The following IGFN1 variants were observed in gnomAD, a reference collection of about 807,000 sequenced individuals.
IGFN1 encodes immunoglobulin-like and fibronectin type III domain-containing protein 1.
In IGFN1, 253 loss-of-function variants were observed where a neutral mutation model predicts 289.5. The ratio of observed to expected loss-of-function variants is 0.87; its 90% CI spans 0.79 to 0.97. The LOEUF (loss-of-function observed/expected upper bound fraction) is 0.97. Ranked by LOEUF, IGFN1 falls within the 50% of genes least tolerant of loss-of-function variation. The pLI, the probability that IGFN1 is intolerant of heterozygous loss-of-function variation, is 0.00. For synonymous variants in IGFN1, 1,706 were observed against 1,788.5 expected (o/e 0.95, Z 1.16); for missense variants, 4,470 against 4,686.1 (o/e 0.95, Z 1.35).
At chr1:201,194,821 A>C (rs778601039) in intron 3 of IGFN1, among the ~76,000 whole-genome samples, 2 of 152,238 alleles carry the variant, frequency 1.3e-5, no homozygotes, top group Non-Finnish European at 2.9e-5. Flanking sequence ...CCCTGCAATA[A>C]ATTTTAGTTC....
intron 8 of IGFN1, 78 bp downstream of exon 8, chr1:201,200,489 G>A: frequency 8.3e-7 from 1 of 1,204,954 alleles, no homozygotes; most frequent in Non-Finnish European, 1.2e-6. Flanking sequence ...ACCTGGAGGT[G>A]GGCTTGGAGG....
At chr1:201,218,029 C>T (rs1399000677) in intron 17 of IGFN1, among the ~76,000 whole-genome samples, 1 of 152,204 alleles carries the variant, frequency 6.6e-6, no homozygotes, top group Non-Finnish European at 1.5e-5. Flanking sequence ...CTTGTGATAA[C>T]CCTTAGCATT....
intron 9 of IGFN1, among the ~76,000 whole-genome samples, chr1:201,202,743 CCCTCCCTCCCTTCCTT>C (rs1262918862): frequency 9.3e-6 from 1 of 107,294 alleles, no homozygotes; most frequent in Non-Finnish European, 1.9e-5. Context: ...CTCCCTCCCT[CCCTCCCTCCCTTCCTT>C]CCTTCCTTCC....
Position 201,212,157 on chromosome 1 carries a change from G to T in IGFN1, c.7264G>T (p.Val2422Leu), listed in dbSNP as rs1489454212. Residue 2422 changes from valine (V) to leucine (L), a missense_variant, in exon 12 of 24, where the codon GTG becomes TTG. Transcript: ENST00000335211. The stretch of plus-strand genomic sequence containing the variant: ...GCTTGTGGATGGGGCAGGACCTGGG[G>T]TGGAACCTGGGATGGCTGGAATGCC... ...TRLVDGAGPG[V>L]EPGMAGMPGT... is the part of the protein sequence containing the mutation. The T allele has an allele frequency of 6.5e-6, 10 of 1,536,140 alleles. No homozygotes were observed. The African/African-American group carries it at 1.4e-4, about 21-fold the overall frequency.
intron 9 of IGFN1, among the ~76,000 whole-genome samples, chr1:201,202,764 C>G (rs1242093135): frequency 8.8e-6 from 1 of 113,866 alleles, no homozygotes; most frequent in African/African-American, 3.4e-5. Flanking sequence ...TTCCTTCCTT[C>G]CTTCCTTCCT....
chr1:201,224,934 G>A (rs1653982520), intron 21 of IGFN1, 60 bp downstream of exon 21: 1 of 1,283,304 alleles, frequency 7.8e-7, no homozygotes, highest in South Asian at 1.4e-5. Flanking sequence ...AAGGCAAAGA[G>A]GTGTCCACTG....
In IGFN1 at chr1:201,208,891, G is replaced by T. The variant is rs1667568033; in HGVS notation, c.3998G>T (p.Gly1333Val). 1 of 1,536,636 alleles carries T rather than the reference G, an allele frequency of 6.5e-7. No individual in the cohort carries two copies. Among genetic ancestry groups the T allele is most frequent in the African/African-American group, 1.4e-5 (1 of 72,894 alleles). ...GYRKDLGAPEGISSGSKADYR... is the reference protein window; with the variant it reads ...GYRKDLGAPEVISSGSKADYR... Reference sequence around the variant, plus strand: ...AGGAAAGATTTAGGGGCTCCTGAGGGAATAAGTTCAGGGAGCAAGGCAGAT... The same window carrying T: ...AGGAAAGATTTAGGGGCTCCTGAGGTAATAAGTTCAGGGAGCAAGGCAGAT... The change falls in exon 12 of 24, where the codon GGA becomes GTA. Residue 1333 changes from glycine (G) to valine (V), a missense_variant. Physicochemically the swap from Gly to Val is moderately radical, Grantham distance 109. Coordinates refer to ENST00000335211, the MANE Select transcript of IGFN1 (RefSeq NM_001164586.2).
At chr1:201,224,203 T>C (rs1653933757) in intron 20 of IGFN1, among the ~76,000 whole-genome samples, 1 of 152,160 alleles carries the variant, frequency 6.6e-6, no homozygotes, top group African/African-American at 2.4e-5. Flanking sequence ...CACCGCAATC[T>C]TCCTCCTAGA....
At chr1:201,222,635 C>T (rs1372402702) in intron 19 of IGFN1, 104 bp from the exon 20 acceptor site, 10 of 685,524 alleles carry the variant, frequency 1.5e-5, no homozygotes, top group Non-Finnish European at 2.1e-5. Flanking sequence ...AGCATCAATC[C>T]GACTGGCCCA....
At chr1:201,227,319 A>G (rs924018260) in intron 23 of IGFN1, 111 bp downstream of exon 23, 3 of 751,420 alleles carry the variant, frequency 4.0e-6, no homozygotes, top group Non-Finnish European at 6.4e-6. Flanking sequence ...GGGAGTCAGG[A>G]GACCAGGACT....
intron 2 of IGFN1, 85 bp from the exon 3 acceptor site, chr1:201,194,069 A>G: frequency 3.4e-6 from 5 of 1,476,872 alleles, no homozygotes; most frequent in Non-Finnish European, 4.6e-6. Context: ...TCCTGGGGTG[A>G]GTGGGTGGAT....
At position 201,207,171 on chromosome 1, in the gene IGFN1, T is replaced by C. The variant is rs914697662; in HGVS notation, c.2278T>C (p.Cys760Arg). ...CTCACTGCAGGAGGCAGATGGTATATGCCGGGGGGAGTCTGTAGTTACAGG... is the reference window on the plus strand; with the variant it reads ...CTCACTGCAGGAGGCAGATGGTATACGCCGGGGGGAGTCTGTAGTTACAGG... ...EDSLQEADGICRGESVVTGSA... is the reference protein window; with the variant it reads ...EDSLQEADGIRRGESVVTGSA... Residue 760 changes from cysteine (C) to arginine (R), a missense_variant, in exon 12 of 24, where the codon TGC (cysteine) becomes CGC (arginine). Coordinates refer to ENST00000335211, the MANE Select transcript of IGFN1 (RefSeq NM_001164586.2). The C allele has an allele frequency of 6.5e-6, 10 of 1,536,910 alleles. No individual in the cohort carries two copies. The highest frequency in any genetic ancestry group is 7.0e-6 in the Non-Finnish European group (8 of 1,146,842).
intron 12 of IGFN1, 89 bp from the exon 13 acceptor site, chr1:201,214,088 G>C: frequency 7.3e-7 from 1 of 1,362,992 alleles, no homozygotes; most frequent in Non-Finnish European, 9.8e-7. Flanking sequence ...GCCAAGCCCA[G>C]TTGGCAGGAC....
At chr1:201,197,409 G>A (rs1056854425) in intron 5 of IGFN1, 92 bp downstream of exon 5, 10 of 732,598 alleles carry the variant, frequency 1.4e-5, no homozygotes, top group Admixed American at 8.4e-5. Context: ...GAGGGGAGGG[G>A]AGGGAAGGGA....
chr1:201,211,170 G>C lies in IGFN1; in HGVS notation c.6277G>C (p.Gly2093Arg). The C allele has an allele frequency of 6.5e-7, 1 of 1,530,854 alleles. No individual in the cohort carries two copies. Among genetic ancestry groups the C allele is most frequent in the African/African-American group, 1.4e-5 (1 of 72,450 alleles). 94.8% of individuals were successfully genotyped at this position (1,530,854 alleles called of 1,614,324 possible). A position where few individuals can be genotyped will look rare whatever the true frequency, so the allele number is the denominator to read the frequency against. The change falls in exon 12 of 24, where the codon GGG becomes CGG. Residue 2093 changes from glycine (G) to arginine (R), a missense_variant. Coordinates refer to ENST00000335211, the MANE Select transcript of IGFN1 (RefSeq NM_001164586.2). ...GSKTGFRDGLGGSEEMESMDE... is the reference protein window; with the variant it reads ...GSKTGFRDGLRGSEEMESMDE... Reference sequence around the variant, plus strand: ...TAAGACAGGTTTCAGGGATGGTTTAGGGGGTTCTGAAGAAATGGAGTCAAT... The same window carrying C: ...TAAGACAGGTTTCAGGGATGGTTTACGGGGTTCTGAAGAAATGGAGTCAAT...
chr1:201,212,600 G>A lies in IGFN1; in HGVS notation c.7707G>A (p.Gln2569=), dbSNP rs371933388. The A allele has an allele frequency of 1.1e-5, 17 of 1,544,910 alleles. No individual in the cohort carries two copies. The highest frequency in any genetic ancestry group is 4.0e-5 in the Admixed American group (2 of 50,384). ...GMTDRGRVAG[Q]GGLASQGGGD... is the part of the protein sequence containing the mutation. The stretch of plus-strand genomic sequence containing the variant: ...CAGACAGGGGTAGAGTTGCTGGCCA[G>A]GGGGGGTTGGCATCTCAGGGAGGTG... The change falls in exon 12 of 24, where the codon CAG becomes CAA. Residue 2569 remains glutamine, a synonymous_variant. Coordinates refer to ENST00000335211, the MANE Select transcript of IGFN1 (RefSeq NM_001164586.2).
intron 2 of IGFN1, 132 bp from the exon 3 acceptor site, chr1:201,194,022 C>G: frequency 9.7e-7 from 1 of 1,030,834 alleles, no homozygotes; most frequent in Non-Finnish European, 1.4e-6. Flanking sequence ...TACAAATAAT[C>G]CTGACCCAAA....
At chr1:201,224,011 T>G (rs1653920128) in intron 20 of IGFN1, among the ~76,000 whole-genome samples, 1 of 152,206 alleles carries the variant, frequency 6.6e-6, no homozygotes, top group Non-Finnish European at 1.5e-5. Flanking sequence ...TATTTATTAT[T>G]AACGCCTTAA....
chr1:201,224,228 T>C (rs1653935085), intron 20 of IGFN1, among the ~76,000 whole-genome samples: 1 of 152,126 alleles, frequency 6.6e-6, no homozygotes, highest in Non-Finnish European at 1.5e-5. Context: ...TGCCAAATTA[T>C]CTCCTACATG....
Sources: gnomAD v4.1 joint callset for allele counts (sites outside exome capture counted in the v4.1 genomes callset) on GRCh38, gnomAD v4.1.1 for gene constraint, MANE v1.5 for transcripts, NCBI Gene and HGNC (gene_info 2026-07-23, HGNC 2026-07-21) for gene names.